Variants in SETBP1 observed in about 807,000 individuals in gnomAD.
SETBP1 encodes SET-binding protein.
In SETBP1, 9 loss-of-function variants were observed where a neutral mutation model predicts 101.0. The ratio of observed to expected loss-of-function variants is 0.09; its 90% CI spans 0.05 to 0.16. The LOEUF (loss-of-function observed/expected upper bound fraction) is 0.16, where lower values mean the gene tolerates loss of function less well. SETBP1 is among the 10% of genes least tolerant of loss of function. The pLI, the probability that SETBP1 is intolerant of heterozygous loss-of-function variation, is 1.00. For missense variants in SETBP1, 1,858 were observed against 2,033.8 expected, an observed-to-expected ratio of 0.91 and a Z score of 1.66; for synonymous variants, 818 against 788.5, an observed-to-expected ratio of 1.04 and a Z score of -0.63.
chr18:44,859,062 G>A (rs1312077342), intron 2 of SETBP1, among the ~76,000 whole-genome samples: 1 of 151,310 alleles, frequency 6.6e-6, no homozygotes, highest in Non-Finnish European at 1.5e-5. Flanking sequence ...AAAGAAGGAA[G>A]GAAGGAAGGA....
At chr18:44,946,380 C>G (rs537478239) in intron 3 of SETBP1, among the ~76,000 whole-genome samples, 1 of 152,314 alleles carries the variant, frequency 6.6e-6, no homozygotes, top group African/African-American at 2.4e-5. Flanking sequence ...GAGCAGGCCC[C>G]ACCTTTCAAC....
At chr18:44,937,276 C>A (rs1373292893) in intron 3 of SETBP1, among the ~76,000 whole-genome samples, 1 of 151,462 alleles carries the variant, frequency 6.6e-6, no homozygotes, top group Non-Finnish European at 1.5e-5. Flanking sequence ...AACGGTGAAA[C>A]CCCGTCTCTA....
chr18:44,751,996 C>A (rs2070389867), intron 2 of SETBP1, among the ~76,000 whole-genome samples: 1 of 152,158 alleles, frequency 6.6e-6, no homozygotes, highest in Admixed American at 6.5e-5. Context: ...CTTCACTAAC[C>A]TTTATTAGCC....
intron 3 of SETBP1, among the ~76,000 whole-genome samples, chr18:44,875,077 A>T (rs2069365893): frequency 6.6e-6 from 1 of 152,184 alleles, no homozygotes; most frequent in Non-Finnish European, 1.5e-5. Flanking sequence ...GTCTTCCGAC[A>T]GCTCTTTTAT....
chr18:44,779,840 C>T (rs1025969474), intron 2 of SETBP1, among the ~76,000 whole-genome samples: 1 of 152,092 alleles, frequency 6.6e-6, no homozygotes, highest in African/African-American at 2.4e-5. Context: ...TGCCTGCTGC[C>T]TTCTGTTCCT....
At chr18:44,946,087 T>C (rs965343736) in intron 3 of SETBP1, among the ~76,000 whole-genome samples, 6 of 152,240 alleles carry the variant, frequency 3.9e-5, no homozygotes, top group African/African-American at 1.2e-4. Context: ...GAGGAGGCCT[T>C]GTTCTCTGGA....
chr18:44,953,482 G>C, intron 4 of SETBP1, 142 bp downstream of exon 4: 1 of 743,206 alleles, frequency 1.3e-6, no homozygotes, highest in Non-Finnish European at 2.4e-6. Context: ...TTGCACATTT[G>C]AGTTTGCTGC....
intron 1 of SETBP1, among the ~76,000 whole-genome samples, chr18:44,698,386 G>A (rs960053951): frequency 5.9e-5 from 9 of 152,048 alleles, no homozygotes; most frequent in Non-Finnish European, 1.0e-4. Flanking sequence ...ATCCAAACTC[G>A]TTAGCACAAC....
intron 2 of SETBP1, among the ~76,000 whole-genome samples, chr18:44,857,974 G>T (rs1359685166): frequency 6.6e-6 from 1 of 152,128 alleles, no homozygotes; most frequent in Non-Finnish European, 1.5e-5. Flanking sequence ...GATTGTATGA[G>T]ACGCAAATAC....
intron 2 of SETBP1, among the ~76,000 whole-genome samples, chr18:44,705,581 A>T (rs140839920): frequency 6.6e-6 from 1 of 152,320 alleles, no homozygotes; most frequent in African/African-American, 2.4e-5. Context: ...TGCTGAAGTC[A>T]TTGCTTGACA....
At chr18:45,006,834 A>G (rs2072738893) in intron 4 of SETBP1, among the ~76,000 whole-genome samples, 1 of 152,174 alleles carries the variant, frequency 6.6e-6, no homozygotes. Flanking sequence ...CTAAACCTTA[A>G]GGTCTCAAGA....
chr18:44,801,196 G>T (rs540799724), intron 2 of SETBP1, among the ~76,000 whole-genome samples: 41 of 152,012 alleles, frequency 2.7e-4, no homozygotes, highest in Non-Finnish European at 2.5e-4. Flanking sequence ...CGAGTTAATG[G>T]GTGCAGCACA....
At chr18:44,700,742 T>G (rs941673550) in intron 1 of SETBP1, among the ~76,000 whole-genome samples, 1 of 152,182 alleles carries the variant, frequency 6.6e-6, no homozygotes, top group African/African-American at 2.4e-5. Flanking sequence ...CTTTGCAAAC[T>G]GTTCTTCACA....
Position 44,816,772 on chromosome 18 carries a change from T to A in SETBP1, c.487-52458T>A, listed in dbSNP as rs544060927. On this transcript the variant is annotated intron_variant, in intron 2 of 5. Transcript: ENST00000649279. The stretch of plus-strand genomic sequence containing the variant: ...ATTTTTATTCTTCTGGATCCAGTTC[T>A]AACAAAGAAGCAGTTAGGATTTTTA... Among the ~76,000 whole-genome samples, 6 of 152,300 alleles carry A rather than the reference T, an allele frequency of 3.9e-5. No individual in the cohort carries two copies. In the South Asian group the frequency reaches 1.2e-3, roughly 32 times the overall value.
chr18:45,047,103 T>C (rs145985417), intron 5 of SETBP1, among the ~76,000 whole-genome samples: 5 of 152,220 alleles, frequency 3.3e-5, no homozygotes, highest in African/African-American at 7.2e-5. Flanking sequence ...CTCTTAAAAA[T>C]AGAGTAATGA....
intron 3 of SETBP1, among the ~76,000 whole-genome samples, chr18:44,931,022 T>A (rs1295708485): frequency 6.6e-6 from 1 of 152,210 alleles, no homozygotes; most frequent in African/African-American, 2.4e-5. Flanking sequence ...TTCTTTTAAT[T>A]GTGATGTTAG....
At chr18:45,009,122 A>T (rs1262768027) in intron 4 of SETBP1, among the ~76,000 whole-genome samples, 1 of 152,108 alleles carries the variant, frequency 6.6e-6, no homozygotes, top group African/African-American at 2.4e-5. Context: ...GTTCCCTCCC[A>T]GCCGCCAACT....
chr18:44,811,635 G>C (rs1177052580), intron 2 of SETBP1, among the ~76,000 whole-genome samples: 2 of 152,214 alleles, frequency 1.3e-5, no homozygotes, highest in Non-Finnish European at 2.9e-5. Context: ...AGGAATGAAG[G>C]GGGTAGAAAG....
intron 3 of SETBP1, among the ~76,000 whole-genome samples, chr18:44,902,517 C>G (rs2070075522): frequency 6.6e-6 from 1 of 151,966 alleles, no homozygotes; most frequent in African/African-American, 2.4e-5. Flanking sequence ...CAACCAGGCC[C>G]TCCCCAAATC....
Sources: allele counts gnomAD v4.1 joint callset (sites outside exome capture counted in the v4.1 genomes callset), GRCh38; gene constraint gnomAD v4.1.1; transcripts MANE v1.5; gene names NCBI Gene and HGNC (gene_info 2026-07-23, HGNC 2026-07-21).